Variants in BRWD3 observed in about 807,000 individuals in gnomAD.
BRWD3 encodes the protein bromodomain and WD repeat-containing protein 3.
BRWD3 carries 10 observed loss-of-function variants against 149.7 expected under a neutral mutation model. The observed-to-expected ratio is 0.07, with a 90% CI of 0.04 to 0.11. The LOEUF (loss-of-function observed/expected upper bound fraction) is 0.11. BRWD3 is among the 10% of genes least tolerant of loss of function. The pLI is 1.00. For missense variants in BRWD3, 940 were observed against 1,373.2 expected (o/e 0.68, Z 4.99); for synonymous variants, 504 against 456.7 (o/e 1.10, Z -1.32).
intron 4 of BRWD3, among the ~76,000 whole-genome samples, chrX:80,807,602 C>T (rs2074360202): frequency 9.0e-6 from 1 of 111,644 alleles, no homozygotes; most frequent in African/African-American, 3.3e-5. Flanking sequence ...ACTGTGGCAG[C>T]AGCTAACACA....
intron 6 of BRWD3, among the ~76,000 whole-genome samples, chrX:80,758,051 T>C (rs1232369771): frequency 1.8e-5 from 2 of 110,962 alleles, no homozygotes; most frequent in African/African-American, 6.6e-5. Flanking sequence ...AATACAAAGT[T>C]AGCCAGGCGT....
Position 80,691,085 on chromosome X carries a change from G to A in BRWD3, c.3570C>T (p.Thr1190=). ...AGCGATTTTCAAGTCTCCGCCTGATGGTATTGAGGTCAGTTGGATAAGCAA... is the reference window on the plus strand; with the variant it reads ...AGCGATTTTCAAGTCTCCGCCTGATAGTATTGAGGTCAGTTGGATAAGCAA... ...TVVAYPTDLN[T]IRRRLENRFY... The change falls in exon 31 of 41, where the codon ACC becomes ACT. Residue 1190 remains threonine, a synonymous_variant. Transcript: ENST00000373275. 1 of 1,209,026 alleles carries A rather than the reference G, an allele frequency of 8.3e-7. No individual in the cohort carries two copies.
chrX:80,693,105 C>T, intron 27 of BRWD3, 54 bp from the exon 28 acceptor site: 1 of 954,203 alleles, frequency 1.0e-6, no homozygotes, highest in East Asian at 3.1e-5. Flanking sequence ...TAGCTCTGTT[C>T]CCACTCTAAA....
chrX:80,808,675 C>G (rs908247198), intron 3 of BRWD3, 77 bp from the exon 4 acceptor site: 1 of 940,111 alleles, frequency 1.1e-6, no homozygotes, highest in Non-Finnish European at 1.5e-6. Flanking sequence ...ATCAACTGGA[C>G]CCAACCTGTG....
At chrX:80,681,599 A>G (rs181794447) in intron 39 of BRWD3, 100 bp from the exon 40 acceptor site, 29 of 644,569 alleles carry the variant, frequency 4.5e-5, no homozygotes, top group Admixed American at 4.2e-4. Flanking sequence ...TTTTATTCTA[A>G]CACCAAAATT....
At chrX:80,717,479 A>T in intron 19 of BRWD3, 94 bp downstream of exon 19, 1 of 894,654 alleles carries the variant, frequency 1.1e-6, no homozygotes. Flanking sequence ...ATATTTTAAA[A>T]TTCCTCATTT....
chrX:80,761,084 T>A (rs1399171127), intron 6 of BRWD3, among the ~76,000 whole-genome samples: 1 of 110,961 alleles, frequency 9.0e-6, no homozygotes, highest in Non-Finnish European at 1.9e-5. Flanking sequence ...AGACCCTCAA[T>A]ATTAACTGGT....
chrX:80,703,693 A>T, intron 23 of BRWD3, 100 bp from the exon 24 acceptor site: 1 of 598,271 alleles, frequency 1.7e-6, no homozygotes, highest in Non-Finnish European at 2.6e-6. Context: ...AGAGAAGATT[A>T]AAAATTTCAG....
At chrX:80,735,009 A>G in intron 10 of BRWD3, 118 bp downstream of exon 10, 1 of 628,797 alleles carries the variant, frequency 1.6e-6, no homozygotes, top group South Asian at 2.5e-5. Context: ...CACATGGTTC[A>G]GATTTTTGAT....
chrX:80,795,268 T>C (rs377294896), intron 4 of BRWD3, among the ~76,000 whole-genome samples: 2 of 110,488 alleles, frequency 1.8e-5, no homozygotes, highest in South Asian at 7.6e-4. Flanking sequence ...AGTGAACGTC[T>C]ACATTCTCAT....
intron 6 of BRWD3, among the ~76,000 whole-genome samples, chrX:80,766,818 G>C (rs2073863625): frequency 1.8e-5 from 2 of 112,371 alleles, no homozygotes; most frequent in Non-Finnish European, 3.8e-5. Flanking sequence ...ACTGCCTCAC[G>C]CCGGAAGTGC....
At chrX:80,763,309 G>A (rs1051231231) in intron 6 of BRWD3, among the ~76,000 whole-genome samples, 3 of 111,256 alleles carry the variant, frequency 2.7e-5, no homozygotes, top group Non-Finnish European at 5.7e-5. Context: ...CTTTGCTATG[G>A]CTGCTTTTAT....
intron 20 of BRWD3, among the ~76,000 whole-genome samples, chrX:80,712,413 G>A (rs1303489313): frequency 2.7e-5 from 3 of 109,745 alleles, no homozygotes; most frequent in Admixed American, 1.9e-4. Context: ...GGCCTCCCGA[G>A]GTGCCGGGAT....
intron 4 of BRWD3, among the ~76,000 whole-genome samples, chrX:80,799,273 A>T (rs752378402): frequency 2.1e-4 from 24 of 111,811 alleles, no homozygotes; most frequent in Middle Eastern, 4.6e-3. Flanking sequence ...CACTGAATAA[A>T]ATGTAAAAGG....
At chrX:80,712,132 G>A (rs755765132) in intron 20 of BRWD3, among the ~76,000 whole-genome samples, 1 of 111,583 alleles carries the variant, frequency 9.0e-6, no homozygotes, top group African/African-American at 3.3e-5. Context: ...CCAGGAGAGA[G>A]TTGTTTAAAA....
intron 3 of BRWD3, 142 bp from the exon 4 acceptor site, chrX:80,808,740 C>G (rs1213921966): frequency 2.5e-6 from 1 of 405,408 alleles, no homozygotes; most frequent in East Asian, 4.3e-5. Context: ...TAGCTATTGG[C>G]TCAGAGCTAG....
In BRWD3 at chrX:80,745,400, C is replaced by T. The variant is rs577129692; in HGVS notation, c.591+169G>A. 1.2e-4 allele frequency among the ~76,000 whole-genome samples: 13 copies of T among 111,853 alleles called. No homozygotes were observed. The East Asian group carries it at 2.2e-3, about 19-fold the overall frequency. ...AAGATAGTAAACATTTTTGTTCATT[C>T]GTTTACTTATATAAAATGAGAAACT... On this transcript the variant is annotated intron_variant, in intron 7 of 40. Coordinates refer to ENST00000373275, the MANE Select transcript of BRWD3 (RefSeq NM_153252.5).
chrX:80,764,401 G>A (rs938113065), intron 6 of BRWD3, among the ~76,000 whole-genome samples: 2 of 111,351 alleles, frequency 1.8e-5, no homozygotes, highest in African/African-American at 6.5e-5. Context: ...CGCCACCTGG[G>A]TTCAAGTGAT....
chrX:80,794,184 A>G (rs180962570), intron 4 of BRWD3, among the ~76,000 whole-genome samples: 97 of 111,428 alleles, frequency 8.7e-4, no homozygotes, highest in Admixed American at 1.6e-3. Flanking sequence ...ACTCAAAAAA[A>G]GAAATAAAAA....
Sources: allele counts gnomAD v4.1 joint callset (sites outside exome capture counted in the v4.1 genomes callset), GRCh38; gene constraint gnomAD v4.1.1; transcripts MANE v1.5; gene names NCBI Gene and HGNC (gene_info 2026-07-23, HGNC 2026-07-21).